PCDH15: variants seen among roughly 807,000 people sequenced by gnomAD.
PCDH15 encodes protocadherin-15.
Under a neutral mutation model 178.5 loss-of-function variants are expected in PCDH15, and 129 were observed. The observed-to-expected ratio is 0.72, with a 90% confidence interval of 0.63 to 0.84. The LOEUF is 0.84. Ranked by LOEUF, PCDH15 falls within the 40% of genes least tolerant of loss-of-function variation. PCDH15 has a pLI of 0.00. For synonymous variants in PCDH15, 800 were observed against 732.0 expected (o/e 1.09, Z -1.50); for missense variants, 2,230 against 2,099.9 (o/e 1.06, Z -1.21).
At chr10:55,279,509 G>C (rs1429976702) in intron 1 of PCDH15, among the ~76,000 whole-genome samples, 1 of 151,906 alleles carries the variant, frequency 6.6e-6, no homozygotes, top group African/African-American at 2.4e-5. Context: ...ATAAGCGACC[G>C]GCATACCTAC....
chr10:54,496,568 G>C (rs2080134430), intron 3 of PCDH15, among the ~76,000 whole-genome samples: 1 of 152,010 alleles, frequency 6.6e-6, no homozygotes, highest in African/African-American at 2.4e-5. Flanking sequence ...ACCTTTATTT[G>C]ATAAAGCTAC....
At chr10:54,064,928 AG>A (rs2094108617) in intron 18 of PCDH15, among the ~76,000 whole-genome samples, 1 of 152,096 alleles carries the variant, frequency 6.6e-6, no homozygotes, top group South Asian at 2.1e-4. Context: ...CCAACTTGGA[AG>A]GGGGTTAGGT....
chr10:54,664,174 T>A lies in PCDH15; in HGVS notation c.89A>T (p.Asp30Val). 6.2e-7 allele frequency: 1 copy of A among 1,611,230 alleles called. No homozygotes were observed. Among genetic ancestry groups the A allele is most frequent in the Non-Finnish European group, 8.5e-7 (1 of 1,178,080 alleles). ...GGTCAAGCTAAAAGCAACCTTACCA[T>A]CATCATACTGGCCCAAGCAGATTTC... ...LFEICLGQYD[D>V]DCKLARGGPP... The change falls in exon 2 of 38, where the codon GAT (aspartate) becomes GTT (valine). Residue 30 changes from aspartate to valine, a missense_variant and splice_region_variant. By Grantham distance (152) the Asp-to-Val change is radical (BLOSUM62 -3). Coordinates refer to ENST00000644397, the MANE Select transcript of PCDH15 (RefSeq NM_001384140.1).
At chr10:55,095,155 T>C (rs1455465126) in intron 2 of PCDH15, among the ~76,000 whole-genome samples, 1 of 151,934 alleles carries the variant, frequency 6.6e-6, no homozygotes, top group African/African-American at 2.4e-5. Context: ...TTGCTCAGGC[T>C]GCTCTCAAAC....
At chr10:54,486,462 T>C (rs985556714) in intron 3 of PCDH15, 5 of 152,086 alleles carry the variant, frequency 3.3e-5, no homozygotes, top group African/African-American at 1.2e-4. Context: ...TTATGATGTA[T>C]AATTAAGTAA....
chr10:54,375,897 A>ATATAT (rs200674493), intron 4 of PCDH15, among the ~76,000 whole-genome samples: 7 of 139,340 alleles, frequency 5.0e-5, no homozygotes, highest in East Asian at 2.0e-4. Flanking sequence ...ATATATATAT[A>ATATAT]ATTTTTTTTC....
In PCDH15 at chr10:54,842,707, T is replaced by A. The variant is rs997110227; in HGVS notation, c.-29+54743A>T. Among the ~76,000 whole-genome samples the A allele has an allele frequency of 2.6e-5, 4 of 152,050 alleles. No homozygotes were observed. The East Asian group carries it at 7.7e-4, about 29-fold the overall frequency. On this transcript the variant is annotated intron_variant, in intron 3 of 5. Transcript: ENST00000458638. Reference sequence around the variant, plus strand: ...TAACTACAACAGCGATTATCTTATTTATTTTGTATACAGTCAGTAAAATTC... The same window carrying A: ...TAACTACAACAGCGATTATCTTATTAATTTTGTATACAGTCAGTAAAATTC...
At chr10:55,185,350 A>C (rs181991742) in intron 1 of PCDH15, among the ~76,000 whole-genome samples, 4 of 151,862 alleles carry the variant, frequency 2.6e-5, no homozygotes, top group African/African-American at 9.6e-5. Flanking sequence ...TGCATGTCTT[A>C]AAATGTTATT....
At chr10:55,313,009 A>C (rs976501361) in intron 1 of PCDH15, among the ~76,000 whole-genome samples, 1 of 152,222 alleles carries the variant, frequency 6.6e-6, no homozygotes, top group Non-Finnish European at 1.5e-5. Context: ...TAGAATTCTT[A>C]AATTCATTAT....
At chr10:55,311,430 A>G (rs1477588219) in intron 1 of PCDH15, among the ~76,000 whole-genome samples, 2 of 152,164 alleles carry the variant, frequency 1.3e-5, no homozygotes, top group Non-Finnish European at 2.9e-5. Flanking sequence ...GAATACAGTG[A>G]TTACATCTTA....
At chr10:55,547,647 A>T (rs1335431883) in intron 2 of PCDH15, among the ~76,000 whole-genome samples, 1 of 152,162 alleles carries the variant, frequency 6.6e-6, no homozygotes, top group African/African-American at 2.4e-5. Flanking sequence ...TGAGATAAGT[A>T]GCCTAATTTT....
chr10:55,443,354 G>A (rs893452406), intron 2 of PCDH15, among the ~76,000 whole-genome samples: 3 of 151,980 alleles, frequency 2.0e-5, no homozygotes, highest in East Asian at 1.9e-4. Context: ...AACAGGCAAC[G>A]TACAGAATGG....
chr10:54,935,955 G>A (rs1837895804), intron 2 of PCDH15, among the ~76,000 whole-genome samples: 1 of 151,994 alleles, frequency 6.6e-6, no homozygotes, highest in Non-Finnish European at 1.5e-5. Context: ...TGAATTCACA[G>A]AGGTTTGCAA....
chr10:53,974,472 T>TATTAGAAATTAAAA (rs2090025917), intron 21 of PCDH15, among the ~76,000 whole-genome samples: 1 of 152,152 alleles, frequency 6.6e-6, no homozygotes, highest in Non-Finnish European at 1.5e-5. Flanking sequence ...TTGTCTAAAA[T>TATTAGAAATTAAAA]ATTAGAAATT....
chr10:55,380,736 C>T (rs377162813), intron 2 of PCDH15, among the ~76,000 whole-genome samples: 4 of 152,180 alleles, frequency 2.6e-5, no homozygotes, highest in African/African-American at 2.4e-5. Context: ...CTCATATTGC[C>T]CACTACACCA....
At chr10:55,197,703 C>T (rs1265029155) in intron 1 of PCDH15, among the ~76,000 whole-genome samples, 1 of 151,992 alleles carries the variant, frequency 6.6e-6, no homozygotes, top group Non-Finnish European at 1.5e-5. Context: ...TGGTTCAGGG[C>T]CTAAATAGCA....
chr10:53,812,330 C>CCCGAGTAGCTGGGGCTACAGG (rs1223623505), intron 35 of PCDH15, among the ~76,000 whole-genome samples: 1 of 152,018 alleles, frequency 6.6e-6, no homozygotes, highest in Non-Finnish European at 1.5e-5. Context: ...GCCTCAGCCT[C>CCCGAGTAGCTGGGGCTACAGG]CCGAGTAGCT....
intron 3 of PCDH15, among the ~76,000 whole-genome samples, chr10:54,891,310 A>G (rs1433512035): frequency 1.3e-5 from 2 of 152,150 alleles, no homozygotes; most frequent in African/African-American, 4.8e-5. Context: ...CTAATATGTG[A>G]GTCAGTAGCC....
chr10:54,693,762 G>T (rs979037597), intron 1 of PCDH15, among the ~76,000 whole-genome samples: 10 of 152,070 alleles, frequency 6.6e-5, no homozygotes, highest in African/African-American at 2.4e-4. Flanking sequence ...GAAGAGGGAG[G>T]TATCAATCAA....
Sources: allele counts gnomAD v4.1 joint callset (sites outside exome capture counted in the v4.1 genomes callset), GRCh38; gene constraint gnomAD v4.1.1; transcripts MANE v1.5; gene names NCBI Gene and HGNC (gene_info 2026-07-23, HGNC 2026-07-21).